PLS1: variants seen among roughly 807,000 people sequenced by gnomAD.
The protein encoded by PLS1 is plastin 1.
PLS1 carries 32 observed loss-of-function variants against 73.7 expected under a neutral mutation model. That is an observed-to-expected ratio of 0.43 (90% CI 0.33 to 0.58). The LOEUF (loss-of-function observed/expected upper bound fraction) is 0.58. Ranked by LOEUF, PLS1 falls within the 20% of genes least tolerant of loss-of-function variation. The probability of loss-of-function intolerance (pLI) is 0.04; values close to 1 mark genes in which losing one functional copy is unlikely to be tolerated. For missense variants in PLS1, 633 were observed against 740.5 expected (o/e 0.85, Z 1.68); for synonymous variants, 217 against 261.3 (o/e 0.83, Z 1.63).
At chr3:142,649,624 C>T (rs577435597) in intron 1 of PLS1, among the ~76,000 whole-genome samples, 4 of 149,442 alleles carry the variant, frequency 2.7e-5, no homozygotes, top group South Asian at 4.2e-4. Flanking sequence ...GGCAACAGAG[C>T]GAGACTCTGT....
intron 1 of PLS1, among the ~76,000 whole-genome samples, chr3:142,618,139 T>G (rs1341377188): frequency 1.3e-5 from 2 of 152,240 alleles, no homozygotes; most frequent in African/African-American, 4.8e-5. Context: ...AGTGTTTTTC[T>G]TTTTAAGCTC....
intron 5 of PLS1, among the ~76,000 whole-genome samples, chr3:142,677,198 A>C (rs2037741218): frequency 6.6e-6 from 1 of 152,196 alleles, no homozygotes; most frequent in African/African-American, 2.4e-5. Flanking sequence ...GTCTTAGATG[A>C]AATCTCTGGC....
chr3:142,695,561 CA>C (rs1198454809), intron 11 of PLS1, among the ~76,000 whole-genome samples: 1 of 152,082 alleles, frequency 6.6e-6, no homozygotes, highest in African/African-American at 2.4e-5. Flanking sequence ...AGGAGGGATT[CA>C]CTTTTTATGG....
chr3:142,653,641 CG>C (rs1360758439), intron 1 of PLS1, among the ~76,000 whole-genome samples: 3 of 151,968 alleles, frequency 2.0e-5, no homozygotes, highest in African/African-American at 7.3e-5. Context: ...TGGGATTACA[CG>C]TGTGAGCCAC....
At chr3:142,694,584 G>A in intron 11 of PLS1, 37 bp downstream of exon 11, 1 of 1,253,302 alleles carries the variant, frequency 8.0e-7, no homozygotes, top group Non-Finnish European at 1.2e-6. Flanking sequence ...TACTGTCAGG[G>A]TCCAACTTTT....
At chr3:142,617,425 T>A (rs983698528) in intron 1 of PLS1, among the ~76,000 whole-genome samples, 2 of 152,238 alleles carry the variant, frequency 1.3e-5, no homozygotes, top group Admixed American at 6.5e-5. Flanking sequence ...ATAGTTACTG[T>A]GTTGCAAGAA....
At chr3:142,649,335 C>CAAAA (rs3055060) in intron 1 of PLS1, among the ~76,000 whole-genome samples, 36,343 of 92,670 alleles carry the variant, frequency 0.39, 7,554 homozygotes, top group Non-Finnish European at 0.47. Context: ...GACCCTATGT[C>CAAAA]AAAAAAAAAA....
intron 1 of PLS1, among the ~76,000 whole-genome samples, chr3:142,603,857 CA>C (rs1194972243): frequency 2.7e-5 from 4 of 148,298 alleles, no homozygotes; most frequent in South Asian, 4.2e-4. Context: ...AAGCTGACCA[CA>C]AAAAAAAAGG....
rs185972861 is a variant in PLS1 at position 142,686,422 on chromosome 3, C to T, written c.981+46C>T. 259 of 1,124,920 alleles carry T rather than the reference C, an allele frequency of 2.3e-4. 2 individuals are homozygous for T. In the African/African-American group the frequency reaches 3.5e-3, roughly 15 times the overall value. 69.7% of individuals were successfully genotyped at this position (1,124,920 alleles called of 1,614,324 possible). A position where few individuals can be genotyped will look rare whatever the true frequency, so the allele number is the denominator to read the frequency against. On this transcript the variant is annotated intron_variant, in intron 9 of 15. Coordinates refer to ENST00000457734, the MANE Select transcript of PLS1 (RefSeq NM_001145319.2). ...TTAAAATATATTGTGGTAAAACAGA[C>T]GTAGAAAATTTACCATTTTTATCAT...
intron 1 of PLS1, among the ~76,000 whole-genome samples, chr3:142,650,859 G>T (rs1298692212): frequency 6.6e-6 from 1 of 152,076 alleles, no homozygotes; most frequent in Non-Finnish European, 1.5e-5. Context: ...TAGGGGTAGG[G>T]GACAGTAGAT....
chr3:142,633,375 T>C (rs1438348886), intron 1 of PLS1, among the ~76,000 whole-genome samples: 1 of 152,190 alleles, frequency 6.6e-6, no homozygotes, highest in Non-Finnish European at 1.5e-5. Flanking sequence ...GAGCAGTAGT[T>C]CACACCTGTA....
intron 1 of PLS1, chr3:142,627,913 G>A (rs1356134173): frequency 6.6e-6 from 1 of 152,006 alleles, no homozygotes; most frequent in Non-Finnish European, 1.5e-5. Flanking sequence ...TTACAGGTAT[G>A]AGCCACCATG....
Position 142,713,341 on chromosome 3 carries a change from C to A in PLS1, c.*1334C>A, listed in dbSNP as rs1384423549. The A allele has an allele frequency of 6.6e-6, 1 of 152,576 alleles. No individual in the cohort carries two copies. Among genetic ancestry groups the A allele is most frequent in the Non-Finnish European group, 1.5e-5 (1 of 68,002 alleles). 9.5% of individuals were successfully genotyped at this position (152,576 alleles called of 1,614,324 possible). On this transcript the variant is annotated 3_prime_UTR_variant, in exon 16 of 16. Transcript: ENST00000457734. Reference sequence around the variant, plus strand: ...TGAATGAGTAGTCTAAATTCCCTTTCTACCATTGATTTAAATATATATATT... The same window carrying A: ...TGAATGAGTAGTCTAAATTCCCTTTATACCATTGATTTAAATATATATATT...
chr3:142,703,979 T>C lies in PLS1; in HGVS notation c.1483T>C (p.Leu495=). Residue 495 remains leucine (L), a synonymous_variant, in exon 13 of 16, where the codon TTG becomes CTG. Transcript: ENST00000457734. ...NEGNSTLTLA[L]VWQLMRRYTL... is the part of the protein sequence containing the mutation. ...AGGGAATTCAACACTTACCCTGGCA[T>C]TGGTATGGCAGCTGATGAGAAGGTA... is the stretch of plus-strand genomic sequence containing the variant. The C allele has an allele frequency of 6.2e-7, 1 of 1,614,048 alleles. No individual in the cohort carries two copies. The highest frequency in any genetic ancestry group is 1.1e-5 in the South Asian group (1 of 91,076).
rs188208797 is a variant in PLS1 at position 142,628,248 on chromosome 3, G to C, written c.-37+31739G>C. Reference sequence around the variant, plus strand: ...CCAGCTTTGACACTTACTAGTGGATGATCTAGGCTGTTTAGCTTGATCTCT... The same window carrying C: ...CCAGCTTTGACACTTACTAGTGGATCATCTAGGCTGTTTAGCTTGATCTCT... On this transcript the variant is annotated intron_variant, in intron 1 of 15. Coordinates refer to ENST00000457734, the MANE Select transcript of PLS1 (RefSeq NM_001145319.2). 6.3e-3 allele frequency among the ~76,000 whole-genome samples: 954 copies of C among 152,226 alleles called. 18 individuals carry two copies. Among genetic ancestry groups the C allele is most frequent in the Non-Finnish European group, 3.9e-3 (263 of 68,022 alleles).
chr3:142,657,365 G>C (rs2037262582), intron 1 of PLS1, among the ~76,000 whole-genome samples: 1 of 152,096 alleles, frequency 6.6e-6, no homozygotes, highest in Non-Finnish European at 1.5e-5. Context: ...ACCTAAGTAA[G>C]CCCTCTAGGA....
At chr3:142,678,734 C>CGT (rs1235628374) in intron 6 of PLS1, among the ~76,000 whole-genome samples, 2 of 151,612 alleles carry the variant, frequency 1.3e-5, no homozygotes, top group South Asian at 4.2e-4. Context: ...AATAAACATA[C>CGT]GTGTGCATGT....
chr3:142,682,739 G>C (rs949428288), intron 6 of PLS1, among the ~76,000 whole-genome samples: 2 of 152,198 alleles, frequency 1.3e-5, no homozygotes, highest in Non-Finnish European at 2.9e-5. Flanking sequence ...TCTCTTGAAA[G>C]TTGCATAGAT....
chr3:142,692,301 A>G (rs190937683), intron 10 of PLS1, among the ~76,000 whole-genome samples: 41 of 152,264 alleles, frequency 2.7e-4, no homozygotes, highest in African/African-American at 9.9e-4. Context: ...AGAATGTTTT[A>G]TAGTTCTTTC....
Sources: allele counts gnomAD v4.1 joint callset (sites outside exome capture counted in the v4.1 genomes callset), GRCh38; gene constraint gnomAD v4.1.1; transcripts MANE v1.5; gene names NCBI Gene and HGNC (gene_info 2026-07-23, HGNC 2026-07-21).